The following PTPRN2 variants were observed in gnomAD, a reference collection of about 807,000 sequenced individuals.
The protein encoded by PTPRN2 is protein tyrosine phosphatase receptor type N2.
PTPRN2 carries 74 observed loss-of-function variants against 118.8 expected under a neutral mutation model. The observed-to-expected ratio is 0.62, with a 90% CI of 0.52 to 0.76. The LOEUF (loss-of-function observed/expected upper bound fraction) is 0.76, where lower values mean the gene tolerates loss of function less well. Among genes scored for constraint, PTPRN2 ranks in the 30% least tolerant of loss-of-function variants. The pLI, the probability that PTPRN2 is intolerant of heterozygous loss-of-function variation, is 0.00. For synonymous variants in PTPRN2, 641 were observed against 608.0 expected (o/e 1.05, Z -0.80); for missense variants, 1,481 against 1,394.4 (o/e 1.06, Z -0.99).
chr7:158,214,709 G>T (rs1175154485), intron 3 of PTPRN2, among the ~76,000 whole-genome samples: 1 of 152,194 alleles, frequency 6.6e-6, no homozygotes, highest in Non-Finnish European at 1.5e-5. Context: ...CACAACCCCT[G>T]CAGTGCCAGC....
chr7:157,678,211 C>T lies in PTPRN2; in HGVS notation c.2001+4514G>A, dbSNP rs185759371. 3.7e-3 allele frequency among the ~76,000 whole-genome samples: 567 copies of T among 152,030 alleles called. 6 individuals carry two copies. Among genetic ancestry groups the T allele is most frequent in the African/African-American group, 0.013 (546 of 41,482 alleles). ...ATAGGTTTTGCTTATTTGAGTTTTG[C>T]AAAAAATATATTATTTTGACCTGGA... On this transcript the variant is annotated intron_variant, in intron 13 of 22. Coordinates refer to ENST00000389418, the MANE Select transcript of PTPRN2 (RefSeq NM_002847.5).
chr7:157,957,543 T>C (rs536387103), intron 11 of PTPRN2, among the ~76,000 whole-genome samples: 27 of 152,118 alleles, frequency 1.8e-4, no homozygotes, highest in African/African-American at 6.5e-4. Flanking sequence ...ATTGTATTCT[T>C]TTTATTTATC....
At chr7:157,837,748 C>A (rs1219330955) in intron 12 of PTPRN2, among the ~76,000 whole-genome samples, 1 of 152,248 alleles carries the variant, frequency 6.6e-6, no homozygotes, top group East Asian at 1.9e-4. Flanking sequence ...GACTCACATC[C>A]TCCTTCACTC....
intron 12 of PTPRN2, among the ~76,000 whole-genome samples, chr7:157,792,815 C>A (rs142933577): frequency 5.9e-4 from 90 of 152,304 alleles, no homozygotes; most frequent in Middle Eastern, 6.8e-3. Flanking sequence ...ACTTCTTATT[C>A]ATGAGCTGTA....
At chr7:158,262,597 CAT>C (rs1491438264) in intron 3 of PTPRN2, among the ~76,000 whole-genome samples, 3 of 149,904 alleles carry the variant, frequency 2.0e-5, no homozygotes, top group African/African-American at 7.4e-5. Flanking sequence ...CATTCACACA[CAT>C]TCACACACAC....
At chr7:158,130,889 AAACC>A (rs574788354) in intron 9 of PTPRN2, among the ~76,000 whole-genome samples, 2,818 of 146,856 alleles carry the variant, frequency 0.019, 71 homozygotes, top group African/African-American at 0.061. Flanking sequence ...ATATACGCAC[AAACC>A]GATACACATC....
chr7:158,270,938 A>G (rs573800117), intron 3 of PTPRN2, among the ~76,000 whole-genome samples: 22 of 4,118 alleles, frequency 5.3e-3, no homozygotes, highest in South Asian at 0.023. Flanking sequence ...CCCCACCTGG[A>G]CCACCCCCCC....
At chr7:157,602,036 T>C (rs2150578126) in intron 16 of PTPRN2, among the ~76,000 whole-genome samples, 1 of 152,306 alleles carries the variant, frequency 6.6e-6, no homozygotes, top group South Asian at 2.1e-4. Flanking sequence ...TGAATTAGAA[T>C]TGATGACAGA....
chr7:158,142,395 C>A (rs755545396), intron 6 of PTPRN2, among the ~76,000 whole-genome samples: 8 of 152,220 alleles, frequency 5.3e-5, no homozygotes, highest in Non-Finnish European at 1.0e-4. Context: ...ATCCCTGTAT[C>A]GACCCATGGC....
rs774814659 is a variant in PTPRN2, at chr7:157,656,458, C to T, written c.2095G>A (p.Asp699Asn). The part of the protein sequence containing the change: ...RISSVSSQFS[D>N]GPIPSPSARS... ...GCGGAGGGGCTGGGGATCGGCCCGT[C>T]GCTGAACTGGGATGAGACGCTGCTG... Residue 699 changes from aspartate (D) to asparagine (N), a missense_variant, in exon 14 of 23, where the codon GAC becomes AAC. Around this residue, in one of 3 missense-constraint regions of PTPRN2, gnomAD observed 1,115 missense variants for 994.2 expected, o/e 1.12. Transcript: ENST00000389418. 9 of 1,554,358 alleles carry T rather than the reference C, an allele frequency of 5.8e-6. No homozygotes were observed. The highest frequency in any genetic ancestry group is 7.8e-6 in the Non-Finnish European group (9 of 1,150,856).
chr7:157,943,730 C>G (rs1295613372), intron 11 of PTPRN2, among the ~76,000 whole-genome samples: 1 of 151,976 alleles, frequency 6.6e-6, no homozygotes, highest in African/African-American at 2.4e-5. Context: ...GACGCCAAGG[C>G]CCCTCTAGGA....
At chr7:158,449,134 C>A (rs780970604) in intron 2 of PTPRN2, among the ~76,000 whole-genome samples, 5 of 152,210 alleles carry the variant, frequency 3.3e-5, no homozygotes, top group Non-Finnish European at 7.3e-5. Context: ...ATCCTGACTT[C>A]TCTTCCCTCC....
intron 6 of PTPRN2, among the ~76,000 whole-genome samples, chr7:158,141,527 G>T (rs1371921493): frequency 6.6e-6 from 1 of 152,248 alleles, no homozygotes; most frequent in East Asian, 1.9e-4. Flanking sequence ...GCCTGTGGTG[G>T]GTTCTTTGAG....
At position 157,971,066 on chromosome 7, in the gene PTPRN2, A is replaced by C. The variant is rs7795933; in HGVS notation, c.1724-72329T>G. On this transcript the variant is annotated intron_variant, in intron 11 of 22. Transcript: ENST00000389418. ...TGCCTGTGCCTCTATCACAGATTTA[A>C]TAACACACCCTTGTAATTCATCTTG... Among the ~76,000 whole-genome samples the C allele has an allele frequency of 1.9e-3, 289 of 152,324 alleles. 1 individual carries two copies. The highest frequency in any genetic ancestry group is 6.6e-3 in the African/African-American group (275 of 41,574).
chr7:158,489,178 A>G (rs145262599), intron 2 of PTPRN2, among the ~76,000 whole-genome samples: 29,157 of 152,170 alleles, frequency 0.19, 3,288 homozygotes, highest in East Asian at 0.41. Flanking sequence ...GGGCGCGGTG[A>G]CTCACGCCTG....
chr7:158,560,989 C>A (rs1563435760), intron 1 of PTPRN2, among the ~76,000 whole-genome samples: 1 of 152,214 alleles, frequency 6.6e-6, no homozygotes, highest in Non-Finnish European at 1.5e-5. Context: ...GTCAATAAGG[C>A]CCATTCACAT....
Position 157,578,025 on chromosome 7 carries a change from TAG to T in PTPRN2, c.2610_2611del (p.Tyr871Ter). 6.2e-7 allele frequency: 1 copy of T among 1,610,242 alleles called. No individual in the cohort carries two copies. On this transcript the variant is annotated frameshift_variant, in exon 18 of 23. Coordinates refer to ENST00000389418, the MANE Select transcript of PTPRN2 (RefSeq NM_002847.5). LOFTEE classifies it high-confidence loss of function. The stretch of plus-strand genomic sequence containing the variant: ...GGGTGGCTCTGGTCGGAGTACCTCA[TAG>T]ATGTGGTAGAGATTGGAGCCTTCAT...
chr7:157,542,006 C>T (rs1398808523), intron 22 of PTPRN2, among the ~76,000 whole-genome samples: 3 of 152,166 alleles, frequency 2.0e-5, no homozygotes, highest in Non-Finnish European at 4.4e-5. Flanking sequence ...GTCAACTGAG[C>T]CTGGCGGCCA....
chr7:158,134,252 G>A (rs1052162013), intron 8 of PTPRN2, among the ~76,000 whole-genome samples, 193 bp from the exon 9 acceptor site: 5 of 152,234 alleles, frequency 3.3e-5, no homozygotes, highest in Admixed American at 1.3e-4. Context: ...GTGTGAGGGC[G>A]CTGAGTATCC....
Sources: gnomAD v4.1 joint callset for allele counts (sites outside exome capture counted in the v4.1 genomes callset) on GRCh38, gnomAD v4.1.1 for gene constraint, gnomAD v4.1.1 regional missense constraint, MANE v1.5 for transcripts, NCBI Gene and HGNC (gene_info 2026-07-23, HGNC 2026-07-21) for gene names.